Variants in EDIL3 observed in about 807,000 individuals in gnomAD.
EDIL3 encodes the protein EGF-like repeat and discoidin I-like domain-containing protein 3.
A neutral mutation model predicts 67.4 loss-of-function variants in EDIL3; 37 were observed. The ratio of observed to expected loss-of-function variants is 0.55; its 90% confidence interval spans 0.42 to 0.72. The LOEUF (loss-of-function observed/expected upper bound fraction) is 0.72, where lower values mean the gene tolerates loss of function less well. EDIL3 is among the 30% of genes least tolerant of loss of function. The pLI is 0.00. For synonymous variants in EDIL3, 195 were observed against 196.3 expected, an observed-to-expected ratio of 0.99 and a Z score of 0.05; for missense variants, 527 against 586.3, an observed-to-expected ratio of 0.90 and a Z score of 1.04.
At chr5:84,019,845 T>C (rs1745678917) in intron 9 of EDIL3, among the ~76,000 whole-genome samples, 1 of 152,040 alleles carries the variant, frequency 6.6e-6, no homozygotes, top group African/African-American at 2.4e-5. Context: ...ATCTTTGGTT[T>C]AGCTCCTGAG....
chr5:84,354,579 C>A (rs931361777), intron 1 of EDIL3, among the ~76,000 whole-genome samples: 27 of 151,498 alleles, frequency 1.8e-4, no homozygotes, highest in African/African-American at 6.1e-4. Flanking sequence ...ATTGCTTGAA[C>A]CTGGGAGGAG....
At chr5:83,977,058 A>G (rs2112144467) in intron 9 of EDIL3, among the ~76,000 whole-genome samples, 1 of 151,898 alleles carries the variant, frequency 6.6e-6, no homozygotes, top group African/African-American at 2.4e-5. Context: ...TCTTATACTT[A>G]TCGCTTGGTA....
Position 84,329,313 on chromosome 5 carries a change from C to T in EDIL3, c.67+54995G>A, listed in dbSNP as rs187806811. Among the ~76,000 whole-genome samples the T allele has an allele frequency of 1.5e-3, 230 of 152,020 alleles. 1 individual carries two copies. Among genetic ancestry groups the T allele is most frequent in the Admixed American group, 6.0e-3 (92 of 15,260 alleles). On this transcript the variant is annotated intron_variant, in intron 1 of 10. Coordinates refer to ENST00000296591, the MANE Select transcript of EDIL3 (RefSeq NM_005711.5). ...AAGTAAAGTAAAAGTTTGACAGTTT[C>T]CATTAAATGTGTGCTGATATTTTTC...
intron 6 of EDIL3, among the ~76,000 whole-genome samples, chr5:84,102,701 A>C (rs1580327898): frequency 6.6e-6 from 1 of 152,096 alleles, no homozygotes; most frequent in South Asian, 2.1e-4. Context: ...GGGAACTAGA[A>C]AACACTGGTC....
chr5:83,962,323 T>C (rs912241551), intron 10 of EDIL3, among the ~76,000 whole-genome samples: 2 of 151,468 alleles, frequency 1.3e-5, no homozygotes, highest in African/African-American at 4.8e-5. Flanking sequence ...AGAGTTTTTG[T>C]TGATGTCTTC....
rs540056553 is a variant in EDIL3, at chr5:84,331,911, T to A, written c.67+52397A>T. ...TATATGGTCCCAAGGAACTACTGAA[T>A]TATTCGTGCCTAGAGTTAGGGGCAA... On this transcript the variant is annotated intron_variant, in intron 1 of 10. Coordinates refer to ENST00000296591, the MANE Select transcript of EDIL3 (RefSeq NM_005711.5). Among the ~76,000 whole-genome samples the A allele has an allele frequency of 3.9e-5, 6 of 152,298 alleles. No homozygotes were observed. In the South Asian group the frequency reaches 1.2e-3, roughly 32 times the overall value.
At position 84,178,027 on chromosome 5, in the gene EDIL3, TCA is replaced by T. The variant is rs542829962; in HGVS notation, c.355+2364_355+2365del. The stretch of plus-strand genomic sequence containing the variant: ...AATTTTCTTTTTCCAAATGAAATGT[TCA>T]CGCCATATTTGTACAACTCTCATTT... On this transcript the variant is annotated intron_variant, in intron 4 of 10. Transcript: ENST00000296591. Among the ~76,000 whole-genome samples, 183 of 152,322 alleles carry T rather than the reference TCA, an allele frequency of 1.2e-3. 2 individuals are homozygous for T. The highest frequency in any genetic ancestry group is 4.2e-3 in the African/African-American group (175 of 41,598).
intron 6 of EDIL3, among the ~76,000 whole-genome samples, chr5:84,067,099 G>C (rs984691023): frequency 2.6e-5 from 4 of 152,120 alleles, no homozygotes; most frequent in Non-Finnish European, 5.9e-5. Flanking sequence ...AGACAAAAAT[G>C]ATGTCCAAAC....
At chr5:84,381,757 T>A (rs1012677561) in intron 1 of EDIL3, among the ~76,000 whole-genome samples, 2 of 152,204 alleles carry the variant, frequency 1.3e-5, no homozygotes, top group African/African-American at 4.8e-5. Context: ...ACTGTATGCA[T>A]GTTATTGAAT....
chr5:84,262,562 A>T (rs1047285585), intron 1 of EDIL3, among the ~76,000 whole-genome samples: 2 of 151,718 alleles, frequency 1.3e-5, no homozygotes, highest in Non-Finnish European at 2.9e-5. Flanking sequence ...ATTAACATAC[A>T]TTCCCTACAA....
intron 1 of EDIL3, among the ~76,000 whole-genome samples, chr5:84,339,602 T>TGTAA (rs3073418): frequency 0.42 from 63,738 of 151,394 alleles, 13,709 homozygotes; most frequent in Middle Eastern, 0.51. Context: ...TTTAAAATAC[T>TGTAA]GTGTTTTTTT....
intron 9 of EDIL3, among the ~76,000 whole-genome samples, chr5:84,001,511 C>CA (rs1394218678): frequency 6.6e-6 from 1 of 151,468 alleles, no homozygotes; most frequent in Non-Finnish European, 1.5e-5. Context: ...GCTGGTGTTT[C>CA]AAAAGATAAA....
chr5:84,115,937 G>A (rs369473863), intron 5 of EDIL3, among the ~76,000 whole-genome samples: 2 of 152,158 alleles, frequency 1.3e-5, no homozygotes, highest in South Asian at 2.1e-4. Context: ...ATGCTTTTAA[G>A]TTATTTATAT....
At chr5:84,151,470 T>C (rs573250340) in intron 4 of EDIL3, among the ~76,000 whole-genome samples, 2 of 152,220 alleles carry the variant, frequency 1.3e-5, no homozygotes, top group South Asian at 2.1e-4. Flanking sequence ...TAATAAAACA[T>C]AGTAATAGGA....
intron 5 of EDIL3, among the ~76,000 whole-genome samples, chr5:84,129,743 C>T (rs1374131576): frequency 6.6e-6 from 1 of 151,990 alleles, no homozygotes; most frequent in Non-Finnish European, 1.5e-5. Flanking sequence ...GTTACATTTA[C>T]AAGTTAAAAT....
At chr5:84,353,797 T>C (rs1747413858) in intron 1 of EDIL3, among the ~76,000 whole-genome samples, 1 of 152,206 alleles carries the variant, frequency 6.6e-6, no homozygotes, top group South Asian at 2.1e-4. Flanking sequence ...TTGTCATTTT[T>C]ATCATTCTCA....
At chr5:84,137,184 T>TACACACACACAC (rs70975542) in intron 5 of EDIL3, 57 bp downstream of exon 5, 9 of 901,772 alleles carry the variant, frequency 1.0e-5, no homozygotes, top group African/African-American at 3.5e-5. Context: ...TGTGTATACA[T>TACACACACACAC]ACACACACAC....
intron 4 of EDIL3, among the ~76,000 whole-genome samples, chr5:84,155,514 C>T (rs907252557): frequency 1.3e-5 from 2 of 152,136 alleles, no homozygotes; most frequent in African/African-American, 2.4e-5. Flanking sequence ...AGTATTCCAA[C>T]GTAACGTTAT....
chr5:84,162,110 A>G (rs191040347), intron 4 of EDIL3, among the ~76,000 whole-genome samples: 16 of 152,200 alleles, frequency 1.1e-4, no homozygotes, highest in Admixed American at 8.5e-4. Flanking sequence ...GGGAGGACAG[A>G]TATGGAGAAG....
Sources: gnomAD v4.1 joint callset for allele counts (sites outside exome capture counted in the v4.1 genomes callset) on GRCh38, gnomAD v4.1.1 for gene constraint, MANE v1.5 for transcripts, NCBI Gene and HGNC (gene_info 2026-07-23, HGNC 2026-07-21) for gene names.